AP2B1: variants seen among roughly 807,000 people sequenced by gnomAD.
AP2B1 encodes AP-2 complex subunit beta.
Under a neutral mutation model 102.0 loss-of-function variants are expected in AP2B1, and 23 were observed. The ratio of observed to expected loss-of-function variants is 0.23; its 90% CI spans 0.16 to 0.32. The LOEUF is 0.32. Ranked by LOEUF, AP2B1 falls within the 10% of genes least tolerant of loss-of-function variation. The probability of loss-of-function intolerance (pLI) is 1.00; values close to 1 mark genes in which losing one functional copy is unlikely to be tolerated. For synonymous variants in AP2B1, 381 were observed against 421.2 expected (o/e 0.90, Z 1.17); for missense variants, 541 against 1,157.4 (o/e 0.47, Z 7.73).
chr17:35,698,185 A>C (rs1043958596), intron 18 of AP2B1, among the ~76,000 whole-genome samples: 5 of 152,214 alleles, frequency 3.3e-5, no homozygotes, highest in African/African-American at 1.2e-4. Flanking sequence ...AGGAGTGAAA[A>C]GACTGAGACA....
At chr17:35,604,359 A>G (rs576488847) in intron 3 of AP2B1, among the ~76,000 whole-genome samples, 1 of 151,814 alleles carries the variant, frequency 6.6e-6, no homozygotes, top group East Asian at 1.9e-4. Flanking sequence ...TCCTCCCACC[A>G]TGGCCTCGCA....
intron 2 of AP2B1, among the ~76,000 whole-genome samples, chr17:35,597,638 C>T (rs1359753118): frequency 6.6e-6 from 1 of 152,282 alleles, no homozygotes; most frequent in East Asian, 1.9e-4. Flanking sequence ...AATATGAGTT[C>T]TCTTTGACAT....
At chr17:35,704,037 GA>G (rs1375738510) in intron 18 of AP2B1, among the ~76,000 whole-genome samples, 1 of 152,068 alleles carries the variant, frequency 6.6e-6, no homozygotes, top group Non-Finnish European at 1.5e-5. Flanking sequence ...TTTTAAATAA[GA>G]AAACAAGAAA....
intron 2 of AP2B1, chr17:35,596,854 G>A (rs2142319804): frequency 8.8e-6 from 6 of 681,026 alleles, no homozygotes; most frequent in Non-Finnish European, 1.4e-5. Flanking sequence ...CACACAGGCC[G>A]CCCAGCAGGA....
intron 15 of AP2B1, 138 bp downstream of exon 15, chr17:35,671,036 A>G (rs1315663293): frequency 1.2e-6 from 1 of 814,436 alleles, no homozygotes; most frequent in Non-Finnish European, 2.0e-6. Flanking sequence ...TATGGGTAGT[A>G]GAAAGTAGTA....
chr17:35,666,407 T>C (rs766958163), intron 14 of AP2B1, among the ~76,000 whole-genome samples: 2 of 152,130 alleles, frequency 1.3e-5, no homozygotes, highest in Non-Finnish European at 2.9e-5. Flanking sequence ...ACAGCAATTA[T>C]GGGGGACTAC....
At chr17:35,679,015 G>A (rs2075760146) in intron 17 of AP2B1, among the ~76,000 whole-genome samples, 1 of 152,074 alleles carries the variant, frequency 6.6e-6, no homozygotes, top group Non-Finnish European at 1.5e-5. Context: ...TGTCATTAAG[G>A]AAGTTGTACT....
chr17:35,633,821 T>C (rs2074530884), intron 9 of AP2B1, among the ~76,000 whole-genome samples: 3 of 152,148 alleles, frequency 2.0e-5, no homozygotes, highest in Admixed American at 2.0e-4. Context: ...TATGTAAAAA[T>C]GTCTTTTTAC....
At chr17:35,650,490 C>G (rs1192683161) in intron 12 of AP2B1, 40 bp from the exon 13 acceptor site, 1 of 1,600,650 alleles carries the variant, frequency 6.2e-7, no homozygotes, top group East Asian at 2.2e-5. Flanking sequence ...GTATGGAGAA[C>G]AGTTTCATCT....
intron 5 of AP2B1, among the ~76,000 whole-genome samples, chr17:35,610,673 C>T (rs2073831501): frequency 6.6e-6 from 1 of 151,876 alleles, no homozygotes; most frequent in African/African-American, 2.4e-5. Flanking sequence ...TTTGGGAGGC[C>T]GAGGTGGGTG....
At chr17:35,619,580 G>A (rs565148130) in intron 5 of AP2B1, among the ~76,000 whole-genome samples, 1 of 152,024 alleles carries the variant, frequency 6.6e-6, no homozygotes, top group Admixed American at 6.6e-5. Flanking sequence ...ATTTGTCTAG[G>A]ATTGAGTATG....
At chr17:35,632,839 G>A (rs1482486447) in intron 9 of AP2B1, among the ~76,000 whole-genome samples, 4 of 151,746 alleles carry the variant, frequency 2.6e-5, no homozygotes, top group Non-Finnish European at 4.4e-5. Context: ...CAAGCACTGT[G>A]CTAAGCACTT....
intron 18 of AP2B1, among the ~76,000 whole-genome samples, chr17:35,693,425 C>A (rs2076079095): frequency 6.6e-6 from 1 of 152,000 alleles, no homozygotes; most frequent in African/African-American, 2.4e-5. Context: ...GCACCCAGGG[C>A]CTGAAAGTCA....
At chr17:35,636,026 G>A (rs181095559) in intron 9 of AP2B1, among the ~76,000 whole-genome samples, 167 of 151,480 alleles carry the variant, frequency 1.1e-3, no homozygotes, top group African/African-American at 3.6e-3. Flanking sequence ...AAAGCAGTAC[G>A]GTTGAGATGA....
intron 17 of AP2B1, among the ~76,000 whole-genome samples, chr17:35,680,682 TTTGG>T (rs2075798302): frequency 1.8e-5 from 1 of 54,432 alleles, no homozygotes; most frequent in Admixed American, 2.0e-4. Flanking sequence ...AGTCTATGGT[TTTGG>T]TTTTTTTTTT....
At chr17:35,669,540 T>C (rs1204495750) in intron 14 of AP2B1, among the ~76,000 whole-genome samples, 1 of 152,216 alleles carries the variant, frequency 6.6e-6, no homozygotes, top group African/African-American at 2.4e-5. Context: ...TTAGCTCTGG[T>C]TTGGAATGCT....
intron 21 of AP2B1, among the ~76,000 whole-genome samples, chr17:35,720,701 C>T (rs1488196978): frequency 3.4e-5 from 5 of 148,626 alleles, no homozygotes; most frequent in East Asian, 4.0e-4. Context: ...GGATTGCAGG[C>T]GTGAGCCACT....
chr17:35,720,443 A>G (rs1212720517), intron 21 of AP2B1, among the ~76,000 whole-genome samples: 1 of 151,292 alleles, frequency 6.6e-6, no homozygotes, highest in Non-Finnish European at 1.5e-5. Context: ...CTGGGAATAA[A>G]TTCAGCATGG....
At chr17:35,606,653 T>C (rs1443009981) in intron 4 of AP2B1, among the ~76,000 whole-genome samples, 1 of 152,022 alleles carries the variant, frequency 6.6e-6, no homozygotes, top group East Asian at 1.9e-4. Flanking sequence ...ATAACCACTC[T>C]TGTTTGTAAT....
Sources: allele counts gnomAD v4.1 joint callset (sites outside exome capture counted in the v4.1 genomes callset), GRCh38; gene constraint gnomAD v4.1.1; transcripts MANE v1.5; gene names NCBI Gene and HGNC (gene_info 2026-07-23, HGNC 2026-07-21).